Variants in IBSP observed in about 807,000 individuals in gnomAD.
IBSP encodes the protein integrin binding sialoprotein.
In IBSP, 19 loss-of-function variants were observed where a neutral mutation model predicts 25.5. The ratio of observed to expected loss-of-function variants is 0.74; its 90% CI spans 0.52 to 1.09. IBSP has a LOEUF of 1.09. Among genes scored for constraint, IBSP ranks in the 50% least tolerant of loss-of-function variants. The probability of loss-of-function intolerance (pLI) is 0.00; values close to 1 mark genes in which losing one functional copy is unlikely to be tolerated. For synonymous variants in IBSP, 144 were observed against 137.6 expected, an observed-to-expected ratio of 1.05 and a Z score of -0.33; for missense variants, 360 against 382.3, an observed-to-expected ratio of 0.94 and a Z score of 0.49.
Position 87,802,435 on chromosome 4 carries a change from CCA to C in IBSP, c.54+23_54+24del, listed in dbSNP as rs1336488201. The C allele has an allele frequency of 1.2e-6, 2 of 1,602,282 alleles. No homozygotes were observed. The highest frequency in any genetic ancestry group is 1.3e-5 in the African/African-American group (1 of 74,304). On this transcript the variant is annotated intron_variant, in intron 2 of 6. Coordinates refer to ENST00000226284, the MANE Select transcript of IBSP (RefSeq NM_004967.4). Reference sequence around the variant, plus strand: ...TTCTCAGTAAGTTCTTTATCAAAACCCACAGTTATTTTCAGTTTTGTCTTTTT... The same window carrying C: ...TTCTCAGTAAGTTCTTTATCAAAACCCAGTTATTTTCAGTTTTGTCTTTTT...
At chr4:87,801,523 C>T (rs1404248645) in intron 1 of IBSP, among the ~76,000 whole-genome samples, 1 of 150,776 alleles carries the variant, frequency 6.6e-6, no homozygotes, top group East Asian at 1.9e-4. Context: ...CACGCATATA[C>T]ACACACACAC....
intron 4 of IBSP, among the ~76,000 whole-genome samples, chr4:87,802,950 A>T (rs1439529512): frequency 6.6e-6 from 1 of 152,226 alleles, no homozygotes; most frequent in East Asian, 1.9e-4. Context: ...TCATTTGGGT[A>T]CAGTCTAGAA....
intron 4 of IBSP, among the ~76,000 whole-genome samples, chr4:87,803,570 T>C (rs1722052303): frequency 6.6e-6 from 1 of 152,136 alleles, no homozygotes; most frequent in Admixed American, 6.6e-5. Context: ...CCCAGGACTT[T>C]TGAGACACTA....
chr4:87,802,656 C>T lies in IBSP; in HGVS notation c.108C>T (p.Val36=). 1 of 1,572,792 alleles carries T rather than the reference C, an allele frequency of 6.4e-7. No homozygotes were observed. The highest frequency in any genetic ancestry group is 8.6e-7 in the Non-Finnish European group (1 of 1,167,256). ...VKIEDSEENG[V]FKYRPRYYLY... is the part of the protein sequence containing the mutation. ...TATCATTTATTTTGTTTTTGCAGGT[C>T]TTTAAGTACAGGCCACGATATTATC... The change falls in exon 4 of 7, where the codon GTC becomes GTT. Residue 36 remains valine (V), a splice_region_variant and synonymous_variant. Coordinates refer to ENST00000226284, the MANE Select transcript of IBSP (RefSeq NM_004967.4).
rs150885823 is a variant in IBSP, at chr4:87,804,001, T to C, written c.183+1270T>C. ...ATGTATGGGCCCATTAAAATGTCCA[T>C]AGTGAAGCAATATTAGGAGGCATTA... On this transcript the variant is annotated intron_variant, in intron 4 of 6. Coordinates refer to ENST00000226284, the MANE Select transcript of IBSP (RefSeq NM_004967.4). Among the ~76,000 whole-genome samples, 370 of 152,278 alleles carry C rather than the reference T, an allele frequency of 2.4e-3. 1 individual carries two copies. Among genetic ancestry groups the C allele is most frequent in the Non-Finnish European group, 4.4e-3 (299 of 68,018 alleles).
At position 87,810,742 on chromosome 4, in the gene IBSP, CT is replaced by C; in HGVS notation, c.384del (p.Ala129GlnfsTer11). 1 of 1,610,872 alleles carries C rather than the reference CT, an allele frequency of 6.2e-7. No homozygotes were observed. Among genetic ancestry groups the C allele is most frequent in the Non-Finnish European group, 8.5e-7 (1 of 1,179,100 alleles). On this transcript the variant is annotated frameshift_variant, in exon 6 of 7. Transcript: ENST00000226284. LOFTEE classifies it low-confidence loss of function (END_TRUNC). ...CCTGGCACAGGGTATACAGGGTTAG[CT>C]GCAATCCAGCTTCCCAAGAAGGTAA... The part of the protein sequence containing the change: ...ATPGTGYTGL[A>X]AIQLPKKAGD...
In IBSP at chr4:87,811,758, G is replaced by A. The variant is rs773567537; in HGVS notation, c.802G>A (p.Ala268Thr). ...EYEGEYEYTG[A>T]NEYDNGYEIY... The stretch of plus-strand genomic sequence containing the variant: ...CGAGGGGGAGTACGAATACACGGGC[G>A]CCAATGAATACGACAATGGATATGA... Residue 268 changes from alanine (A) to threonine (T), a missense_variant, in exon 7 of 7, where the codon GCC becomes ACC. Transcript: ENST00000226284. The A allele has an allele frequency of 6.2e-6, 10 of 1,613,804 alleles. No homozygotes were observed. The highest frequency in any genetic ancestry group is 1.7e-5 in the Admixed American group (1 of 59,958).
chr4:87,803,214 T>A (rs746715358), intron 4 of IBSP, among the ~76,000 whole-genome samples: 2 of 152,146 alleles, frequency 1.3e-5, no homozygotes, highest in African/African-American at 4.8e-5. Flanking sequence ...TGATAATCAA[T>A]GGTAATTTCT....
intron 5 of IBSP, among the ~76,000 whole-genome samples, chr4:87,808,473 G>A (rs145694951): frequency 1.1e-4 from 16 of 152,082 alleles, no homozygotes; most frequent in African/African-American, 2.4e-4. Context: ...GAGCCACCGC[G>A]CCCAGACATA....
chr4:87,799,878 A>T (rs915105235), intron 1 of IBSP, among the ~76,000 whole-genome samples: 1 of 152,180 alleles, frequency 6.6e-6, no homozygotes, highest in African/African-American at 2.4e-5. Context: ...TCTTACTTTC[A>T]TTCTCTGCAA....
Position 87,811,804 on chromosome 4 carries a change from G to A in IBSP, c.848G>A (p.Gly283Glu), listed in dbSNP as rs755559426. The A allele has an allele frequency of 4.3e-6, 7 of 1,612,852 alleles. 1 individual carries two copies. The Admixed American group carries it at 1.0e-4, about 23-fold the overall frequency. ...NGYEIYESENGEPRGDNYRAY... is the reference protein window; with the variant it reads ...NGYEIYESENEEPRGDNYRAY... ...TATGAAATCTATGAAAGTGAGAACG[G>A]GGAACCTCGTGGGGACAATTACCGA... Residue 283 changes from glycine to glutamate, a missense_variant, in exon 7 of 7, where the codon GGG becomes GAG. Physicochemically the swap from Gly to Glu is moderately conservative, Grantham distance 98 (BLOSUM62 -2). Transcript: ENST00000226284.
chr4:87,801,912 G>A (rs1377441771), intron 1 of IBSP, among the ~76,000 whole-genome samples: 1 of 152,102 alleles, frequency 6.6e-6, no homozygotes, highest in African/African-American at 2.4e-5. Flanking sequence ...ACTGGTTTTA[G>A]AGGCATGAGC....
chr4:87,805,911 T>C (rs1722082007), intron 4 of IBSP, among the ~76,000 whole-genome samples: 1 of 152,230 alleles, frequency 6.6e-6, no homozygotes, highest in South Asian at 2.1e-4. Context: ...TATTTTTCTC[T>C]AACTTCATTT....
chr4:87,810,879 A>G (rs1439654464), intron 6 of IBSP, 115 bp downstream of exon 6: 2 of 780,486 alleles, frequency 2.6e-6, no homozygotes, highest in Non-Finnish European at 2.0e-6. Flanking sequence ...CACTACACAC[A>G]TAGTATTTTA....
intron 5 of IBSP, among the ~76,000 whole-genome samples, chr4:87,808,986 T>C (rs1241839601): frequency 1.3e-5 from 2 of 152,132 alleles, no homozygotes; most frequent in Non-Finnish European, 2.9e-5. Flanking sequence ...GGAGTCGAAA[T>C]CTACTGAGGC....
At chr4:87,800,122 A>G (rs1312010646) in intron 1 of IBSP, among the ~76,000 whole-genome samples, 3 of 152,194 alleles carry the variant, frequency 2.0e-5, no homozygotes, top group Non-Finnish European at 4.4e-5. Context: ...AGAGAAATAA[A>G]TACTCTTGGT....
intron 5 of IBSP, among the ~76,000 whole-genome samples, chr4:87,808,398 G>C (rs1203888977): frequency 6.6e-6 from 1 of 152,042 alleles, no homozygotes; most frequent in African/African-American, 2.4e-5. Context: ...AGCCAGGATG[G>C]TCTTGATCTC....
Position 87,811,796 on chromosome 4 carries a change from T to G in IBSP, c.840T>G (p.Ser280Arg). ...EYDNGYEIYE[S>R]ENGEPRGDNY... The stretch of plus-strand genomic sequence containing the variant: ...ACAATGGATATGAAATCTATGAAAG[T>G]GAGAACGGGGAACCTCGTGGGGACA... The change falls in exon 7 of 7, where the codon AGT (serine) becomes AGG (arginine). Residue 280 changes from serine (S) to arginine (R), a missense_variant. Ser to Arg is a moderately radical substitution (Grantham distance 110). Coordinates refer to ENST00000226284, the MANE Select transcript of IBSP (RefSeq NM_004967.4). The G allele has an allele frequency of 6.2e-7, 1 of 1,613,352 alleles. No individual in the cohort carries two copies. Among genetic ancestry groups the G allele is most frequent in the African/African-American group, 1.3e-5 (1 of 74,972 alleles).
intron 4 of IBSP, among the ~76,000 whole-genome samples, chr4:87,805,043 G>A (rs900505969): frequency 3.3e-5 from 5 of 152,188 alleles, no homozygotes; most frequent in Non-Finnish European, 5.9e-5. Flanking sequence ...TTCCACCTGA[G>A]GTTATTCCTG....
Sources: allele counts gnomAD v4.1 joint callset (sites outside exome capture counted in the v4.1 genomes callset), GRCh38; gene constraint gnomAD v4.1.1; transcripts MANE v1.5; gene names NCBI Gene and HGNC (gene_info 2026-07-23, HGNC 2026-07-21).